TDRD10: variants seen among roughly 807,000 people sequenced by gnomAD.
TDRD10 encodes tudor domain containing 10.
TDRD10 carries 40 observed loss-of-function variants against 48.0 expected under a neutral mutation model. The observed-to-expected ratio is 0.83, with a 90% CI of 0.65 to 1.09. TDRD10 has a LOEUF of 1.09. TDRD10 is among the 50% of genes least tolerant of loss of function. The pLI is 0.00. For missense variants in TDRD10, 378 were observed against 434.7 expected, an observed-to-expected ratio of 0.87 and a Z score of 1.16; for synonymous variants, 162 against 170.4, an observed-to-expected ratio of 0.95 and a Z score of 0.38.
At chr1:154,520,764 G>T (rs191535764) in intron 5 of TDRD10, among the ~76,000 whole-genome samples, 6 of 152,280 alleles carry the variant, frequency 3.9e-5, no homozygotes, top group Admixed American at 3.3e-4. Flanking sequence ...TTGAGACAGG[G>T]TCTTGCTCTG....
intron 4 of TDRD10, among the ~76,000 whole-genome samples, chr1:154,519,124 C>T (rs957771529): frequency 6.6e-6 from 1 of 152,090 alleles, no homozygotes; most frequent in Non-Finnish European, 1.5e-5. Context: ...GTTGTGAAAA[C>T]CAAATGGAAT....
chr1:154,517,071 G>C (rs566348443), intron 4 of TDRD10, among the ~76,000 whole-genome samples: 7 of 152,320 alleles, frequency 4.6e-5, no homozygotes, highest in Admixed American at 4.6e-4. Context: ...CACAGTACTG[G>C]GGAGTGTAGT....
chr1:154,529,099 G>A (rs1405561344), intron 6 of TDRD10, among the ~76,000 whole-genome samples: 1 of 150,786 alleles, frequency 6.6e-6, no homozygotes, highest in Non-Finnish European at 1.5e-5. Flanking sequence ...TTTTTTTTGA[G>A]ACGGAGTTTT....
chr1:154,547,411 A>G lies in TDRD10; in HGVS notation c.955A>G (p.Ile319Val). Residue 319 changes from isoleucine (I) to valine (V), a missense_variant and splice_region_variant, in exon 12 of 13, where the codon ATT becomes GTT. Physicochemically the swap from Ile to Val is conservative, Grantham distance 29. Coordinates refer to ENST00000368482, the MANE Select transcript of TDRD10 (RefSeq NM_182499.4). ...TGTTGTTGTGTCTTGTTTTGCAGACATTTTGAGTTCGTATGAGGTTGTCCA... is the reference window on the plus strand; with the variant it reads ...TGTTGTTGTGTCTTGTTTTGCAGACGTTTTGAGTTCGTATGAGGTTGTCCA... Reference protein sequence around the residue: ...LTQPFMLEKDILSSYEVVHRI... With the variant: ...LTQPFMLEKDVLSSYEVVHRI... 1.9e-6 allele frequency: 3 copies of G among 1,614,166 alleles called. No individual in the cohort carries two copies. Among genetic ancestry groups the G allele is most frequent in the South Asian group, 1.1e-5 (1 of 91,078 alleles).
At chr1:154,531,194 T>C (rs1694598497) in intron 6 of TDRD10, among the ~76,000 whole-genome samples, 2 of 152,178 alleles carry the variant, frequency 1.3e-5, no homozygotes, top group Admixed American at 6.5e-5. Flanking sequence ...TCATTTGTTT[T>C]AAGGGTGCTT....
At position 154,544,572 on chromosome 1, in the gene TDRD10, C is replaced by A. The variant is rs536860051; in HGVS notation, c.797+55C>A. 2.0e-5 allele frequency: 32 copies of A among 1,577,178 alleles called. No individual in the cohort carries two copies. In the African/African-American group the frequency reaches 3.9e-4, roughly 19 times the overall value. ...GGGAGAGGCGTGCAGGGAAAATGCT[C>A]CCTTCTTGCATTCTCTTCCTTTGGG... On this transcript the variant is annotated intron_variant, in intron 10 of 12. Coordinates refer to ENST00000368482, the MANE Select transcript of TDRD10 (RefSeq NM_182499.4).
chr1:154,536,656 G>A (rs1557831940), intron 6 of TDRD10, among the ~76,000 whole-genome samples: 2 of 152,158 alleles, frequency 1.3e-5, no homozygotes, highest in Admixed American at 6.5e-5. Context: ...CATTTCAGTC[G>A]CCCAAAAGAT....
intron 6 of TDRD10, among the ~76,000 whole-genome samples, chr1:154,533,934 AC>A (rs1342956402): frequency 6.6e-6 from 1 of 151,168 alleles, no homozygotes; most frequent in Non-Finnish European, 1.5e-5. Context: ...ATGGGGTCCC[AC>A]TATGTTGCCC....
intron 4 of TDRD10, among the ~76,000 whole-genome samples, chr1:154,514,144 C>A (rs1274714128): frequency 2.0e-5 from 3 of 152,170 alleles, no homozygotes; most frequent in Non-Finnish European, 4.4e-5. Flanking sequence ...GAGCTGAGGT[C>A]ACGCCACCGC....
chr1:154,507,179 C>CAA, intron 2 of TDRD10, 62 bp from the exon 3 acceptor site: 1 of 1,478,852 alleles, frequency 6.8e-7, no homozygotes, highest in East Asian at 2.5e-5. Flanking sequence ...TTATGCCTGA[C>CAA]ACGTTTCCTT....
At chr1:154,542,494 C>T (rs1450316108) in intron 7 of TDRD10, among the ~76,000 whole-genome samples, 2 of 152,192 alleles carry the variant, frequency 1.3e-5, no homozygotes, top group Non-Finnish European at 1.5e-5. Flanking sequence ...TCCCAAAGTG[C>T]TGGGATTACA....
Position 154,544,514 on chromosome 1 carries a change from A to G in TDRD10, c.794A>G (p.Asn265Ser), listed in dbSNP as rs2149355334. 1.2e-6 allele frequency: 2 copies of G among 1,613,800 alleles called. No homozygotes were observed. Among genetic ancestry groups the G allele is most frequent in the African/African-American group, 1.3e-5 (1 of 75,042 alleles). Residue 265 changes from asparagine (N) to serine (S), a missense_variant, in exon 10 of 13, where the codon AAC becomes AGC. Physicochemically the swap from Asn to Ser is conservative, Grantham distance 46. Coordinates refer to ENST00000368482, the MANE Select transcript of TDRD10 (RefSeq NM_182499.4). Reference sequence around the variant, plus strand: ...CTGGGGGATTATGGACACGCCTGGAACAGGTGTGTGCCTGGGCAGGGGTAG... The same window carrying G: ...CTGGGGGATTATGGACACGCCTGGAGCAGGTGTGTGCCTGGGCAGGGGTAG... ...YHLGDYGHAW[N>S]RCWVLDRVDT...
chr1:154,527,956 G>A (rs1476030609), intron 6 of TDRD10, among the ~76,000 whole-genome samples: 1 of 152,146 alleles, frequency 6.6e-6, no homozygotes, highest in Non-Finnish European at 1.5e-5. Flanking sequence ...CTCCCCAGTG[G>A]TAACATCTTA....
chr1:154,531,672 C>T (rs1024393306), intron 6 of TDRD10, among the ~76,000 whole-genome samples: 7 of 152,284 alleles, frequency 4.6e-5, no homozygotes, highest in Non-Finnish European at 8.8e-5. Context: ...TTGCAAAGAG[C>T]GAAAGAACAA....
At chr1:154,512,127 C>G (rs1261862450) in intron 4 of TDRD10, among the ~76,000 whole-genome samples, 1 of 152,070 alleles carries the variant, frequency 6.6e-6, no homozygotes, top group South Asian at 2.1e-4. Context: ...CAAAATAAAC[C>G]TCATACTCAT....
intron 4 of TDRD10, among the ~76,000 whole-genome samples, chr1:154,513,104 T>A (rs1427799798): frequency 3.3e-5 from 5 of 152,260 alleles, no homozygotes; most frequent in Non-Finnish European, 1.5e-5. Flanking sequence ...TTTGAAAGTT[T>A]CCAAATAAAA....
At chr1:154,538,763 G>T (rs1331669047) in intron 6 of TDRD10, among the ~76,000 whole-genome samples, 1 of 115,890 alleles carries the variant, frequency 8.6e-6, no homozygotes. Context: ...TGAGGCAGGA[G>T]AATGGTATGA....
rs377635961 is a variant in TDRD10, at chr1:154,547,599, G to C, written c.1024-79G>C. Reference sequence around the variant, plus strand: ...TACCTGGCATTCTTTTAGATCAAACGAACTGGTTATCTGAGGGGTTGGGTG... The same window carrying C: ...TACCTGGCATTCTTTTAGATCAAACCAACTGGTTATCTGAGGGGTTGGGTG... On this transcript the variant is annotated intron_variant, in intron 12 of 12. Coordinates refer to ENST00000368482, the MANE Select transcript of TDRD10 (RefSeq NM_182499.4). 1.2e-5 allele frequency: 20 copies of C among 1,614,066 alleles called. No homozygotes were observed. The South Asian group carries it at 2.1e-4, about 17-fold the overall frequency.
chr1:154,520,459 T>C (rs1029982799), intron 5 of TDRD10, 85 bp downstream of exon 5: 8 of 1,085,884 alleles, frequency 7.4e-6, no homozygotes, highest in Non-Finnish European at 9.9e-6. Context: ...TGTTGCAGAC[T>C]AGCCCAGCAA....
Sources: allele counts gnomAD v4.1 joint callset (sites outside exome capture counted in the v4.1 genomes callset), GRCh38; gene constraint gnomAD v4.1.1; transcripts MANE v1.5; gene names NCBI Gene and HGNC (gene_info 2026-07-23, HGNC 2026-07-21).